CLIC4: variants seen among roughly 807,000 people sequenced by gnomAD.
The protein encoded by CLIC4 is chloride intracellular channel protein 4.
A neutral mutation model predicts 24.6 loss-of-function variants in CLIC4; 13 were observed. That is an observed-to-expected ratio of 0.53 (90% CI 0.34 to 0.84). The LOEUF (loss-of-function observed/expected upper bound fraction) is 0.84, where lower values mean the gene tolerates loss of function less well. Ranked by LOEUF, CLIC4 falls within the 40% of genes least tolerant of loss-of-function variation. The pLI, the probability that CLIC4 is intolerant of heterozygous loss-of-function variation, is 0.01. For missense variants in CLIC4, 227 were observed against 301.7 expected (o/e 0.75, Z 1.83); for synonymous variants, 104 against 111.3 (o/e 0.93, Z 0.41).
chr1:24,827,456 G>T (rs1639797939), intron 4 of CLIC4, among the ~76,000 whole-genome samples: 1 of 152,028 alleles, frequency 6.6e-6, no homozygotes, highest in Admixed American at 6.6e-5. Context: ...TGTGGTTGTG[G>T]TGGTTTAGCA....
At chr1:24,802,399 G>A (rs866769492) in intron 2 of CLIC4, among the ~76,000 whole-genome samples, 6 of 152,110 alleles carry the variant, frequency 3.9e-5, no homozygotes, top group Admixed American at 6.6e-5. Flanking sequence ...AAAAAGTGGC[G>A]CATGGGAGGT....
chr1:24,822,905 T>G (rs1050751257), intron 3 of CLIC4, among the ~76,000 whole-genome samples: 2 of 152,170 alleles, frequency 1.3e-5, no homozygotes, highest in South Asian at 2.1e-4. Flanking sequence ...TATATTGTTC[T>G]AGGGCACCCA....
At chr1:24,748,650 C>T (rs897951248) in intron 1 of CLIC4, among the ~76,000 whole-genome samples, 3 of 151,536 alleles carry the variant, frequency 2.0e-5, no homozygotes, top group South Asian at 2.1e-4. Flanking sequence ...AGCGCATGCA[C>T]CACTACGCCT....
At chr1:24,750,584 C>T (rs969202499) in intron 1 of CLIC4, among the ~76,000 whole-genome samples, 8 of 151,858 alleles carry the variant, frequency 5.3e-5, no homozygotes, top group African/African-American at 1.5e-4. Context: ...AGGCTTGTCT[C>T]GAACTCCTGA....
intron 3 of CLIC4, among the ~76,000 whole-genome samples, chr1:24,815,412 G>A (rs1195229301): frequency 6.6e-6 from 1 of 152,196 alleles, no homozygotes; most frequent in Non-Finnish European, 1.5e-5. Flanking sequence ...TGAGGCAGGA[G>A]AATTGCTTGA....
At chr1:24,749,967 A>G (rs1282185495) in intron 1 of CLIC4, among the ~76,000 whole-genome samples, 3 of 152,194 alleles carry the variant, frequency 2.0e-5, no homozygotes, top group Non-Finnish European at 4.4e-5. Flanking sequence ...GTGGTGATAC[A>G]TGCCTGTGGT....
Position 24,772,448 on chromosome 1 carries a change from A to G in CLIC4, c.73-25294A>G, listed in dbSNP as rs1639081188. ...ATATTAACTTTCACAGCTGAAATAC[A>G]GTGTTGAATATATAATTTTTGCGGA... On this transcript the variant is annotated intron_variant, in intron 1 of 5. Coordinates refer to ENST00000374379, the MANE Select transcript of CLIC4 (RefSeq NM_013943.3). Among the ~76,000 whole-genome samples, 3 of 152,232 alleles carry G rather than the reference A, an allele frequency of 2.0e-5. No individual in the cohort carries two copies. In the South Asian group the frequency reaches 6.2e-4, roughly 31 times the overall value.
At chr1:24,790,125 G>A (rs1026871747) in intron 1 of CLIC4, among the ~76,000 whole-genome samples, 3 of 152,132 alleles carry the variant, frequency 2.0e-5, no homozygotes, top group Admixed American at 6.5e-5. Context: ...AGGCTGGAGC[G>A]CAGTGGCGCG....
intron 1 of CLIC4, among the ~76,000 whole-genome samples, chr1:24,771,670 T>C (rs1257355191): frequency 2.0e-5 from 3 of 152,150 alleles, no homozygotes; most frequent in Non-Finnish European, 4.4e-5. Flanking sequence ...TTTTCTGTTA[T>C]TGTGTTCTAT....
chr1:24,773,591 CTTTTTTTTTTTTTTT>C (rs61367134), intron 1 of CLIC4, among the ~76,000 whole-genome samples: 2 of 73,992 alleles, frequency 2.7e-5, no homozygotes, highest in Non-Finnish European at 5.1e-5. Flanking sequence ...TGAGATGCAC[CTTTTTTTTTTTTTTT>C]TTTTTTTTTT....
At chr1:24,822,521 G>GT (rs890842840) in intron 3 of CLIC4, among the ~76,000 whole-genome samples, 1 of 151,762 alleles carries the variant, frequency 6.6e-6, no homozygotes, top group Non-Finnish European at 1.5e-5. Context: ...GCTAATTTTT[G>GT]TATTTTTAGT....
At chr1:24,816,917 C>T (rs2124155660) in intron 3 of CLIC4, among the ~76,000 whole-genome samples, 1 of 152,312 alleles carries the variant, frequency 6.6e-6, no homozygotes, top group South Asian at 2.1e-4. Flanking sequence ...ATTTATAGAG[C>T]ATCTGTAGAG....
chr1:24,820,067 G>GTGTATATA (rs1212033050), intron 3 of CLIC4, among the ~76,000 whole-genome samples: 520 of 36,434 alleles, frequency 0.014, 97 homozygotes, highest in Non-Finnish European at 0.018. Flanking sequence ...AAAAAAGTAT[G>GTGTATATA]TATATATATA....
intron 1 of CLIC4, among the ~76,000 whole-genome samples, chr1:24,787,397 A>C (rs1037429343): frequency 2.0e-5 from 3 of 152,010 alleles, no homozygotes; most frequent in African/African-American, 7.2e-5. Flanking sequence ...GTATATATTT[A>C]TATTTATAAT....
At chr1:24,773,347 T>C (rs1639095008) in intron 1 of CLIC4, among the ~76,000 whole-genome samples, 1 of 152,214 alleles carries the variant, frequency 6.6e-6, no homozygotes, top group South Asian at 2.1e-4. Flanking sequence ...TTCTTGAACA[T>C]TTCATTGTTT....
rs1449387909 is a variant in CLIC4, at chr1:24,843,001, A to G, written c.*2064A>G. The G allele has an allele frequency of 6.6e-6, 1 of 152,186 alleles. No individual in the cohort carries two copies. The highest frequency in any genetic ancestry group is 2.1e-4 in the South Asian group (1 of 4,828). 9.4% of individuals were successfully genotyped at this position (152,186 alleles called of 1,614,324 possible). On this transcript the variant is annotated 3_prime_UTR_variant, in exon 6 of 6. Coordinates refer to ENST00000374379, the MANE Select transcript of CLIC4 (RefSeq NM_013943.3). ...TGGTGCGAGGTGGAGGGCTAACAAGAGGAAAGAACTACATTCTTCAGAATA... is the reference window on the plus strand; with the variant it reads ...TGGTGCGAGGTGGAGGGCTAACAAGGGGAAAGAACTACATTCTTCAGAATA...
intron 3 of CLIC4, among the ~76,000 whole-genome samples, chr1:24,818,378 C>T (rs532175905): frequency 6.6e-6 from 1 of 152,214 alleles, no homozygotes; most frequent in South Asian, 2.1e-4. Context: ...CCTCTGCCTC[C>T]TGGGTTCAAG....
intron 4 of CLIC4, among the ~76,000 whole-genome samples, chr1:24,839,291 A>G (rs1382948069): frequency 6.6e-6 from 1 of 151,932 alleles, no homozygotes; most frequent in East Asian, 1.9e-4. Flanking sequence ...CATGTGTGGG[A>G]CATTTAGTTG....
In CLIC4 at chr1:24,771,133, A is replaced by C. The variant is rs552040864; in HGVS notation, c.72+25508A>C. Among the ~76,000 whole-genome samples the C allele has an allele frequency of 3.3e-5, 5 of 152,310 alleles. No homozygotes were observed. The East Asian group carries it at 9.6e-4, about 29-fold the overall frequency. ...TGCTATGCTTCTGAAGAGAAGAACTATATACACACATCTGTGGCGCATCTT... is the reference window on the plus strand; with the variant it reads ...TGCTATGCTTCTGAAGAGAAGAACTCTATACACACATCTGTGGCGCATCTT... On this transcript the variant is annotated intron_variant, in intron 1 of 5. Coordinates refer to ENST00000374379, the MANE Select transcript of CLIC4 (RefSeq NM_013943.3).
Sources: allele counts gnomAD v4.1 joint callset (sites outside exome capture counted in the v4.1 genomes callset), GRCh38; gene constraint gnomAD v4.1.1; transcripts MANE v1.5; gene names NCBI Gene and HGNC (gene_info 2026-07-23, HGNC 2026-07-21).